The following SLC26A4 variants were observed in gnomAD, a reference collection of about 807,000 sequenced individuals.
SLC26A4 encodes pendrin.
A neutral mutation model predicts 90.4 loss-of-function variants in SLC26A4; 93 were observed. The observed-to-expected ratio is 1.03, with a 90% CI of 0.87 to 1.22. SLC26A4 has a LOEUF of 1.22. Ranked by LOEUF, SLC26A4 falls within the 50% of genes most tolerant of loss-of-function variation. The pLI is 0.00. For synonymous variants in SLC26A4, 393 were observed against 354.6 expected (o/e 1.11, Z -1.22); for missense variants, 1,127 against 946.2 (o/e 1.19, Z -2.51).
At chr7:107,664,279 G>T (rs1414530407) in intron 3 of SLC26A4, among the ~76,000 whole-genome samples, 1 of 152,052 alleles carries the variant, frequency 6.6e-6, no homozygotes, top group Non-Finnish European at 1.5e-5. Context: ...ACCCAGGCTG[G>T]TGTGCAGTGG....
chr7:107,694,407 C>T lies in SLC26A4; in HGVS notation c.1268C>T (p.Ala423Val). 6.2e-7 allele frequency: 1 copy of T among 1,613,040 alleles called. No homozygotes were observed. Among genetic ancestry groups the T allele is most frequent in the Non-Finnish European group, 8.5e-7 (1 of 1,179,124 alleles). Residue 423 changes from alanine to valine, a missense_variant, in exon 11 of 21, where the codon GCT (alanine) becomes GTT (valine). Ala to Val is a moderately conservative substitution (Grantham distance 64). Transcript: ENST00000644269. ...TAGGAGGTGTGTGTCTTCCAGGTTG[C>T]TGGCATCATCTCTGCTGCGATTGTG... Reference protein sequence around the residue: ...QESTGGKTQVAGIISAAIVMI... With the variant: ...QESTGGKTQVVGIISAAIVMI...
chr7:107,695,127 A>T (rs1167559240), intron 12 of SLC26A4, among the ~76,000 whole-genome samples: 1 of 152,244 alleles, frequency 6.6e-6, no homozygotes, highest in African/African-American at 2.4e-5. Context: ...AGAAACTAAA[A>T]ATCAGAAGCT....
In SLC26A4 at chr7:107,717,630, C is replaced by G. The variant is rs1792380633; in HGVS notation, c.*2184C>G. On this transcript the variant is annotated 3_prime_UTR_variant, in exon 21 of 21. Coordinates refer to ENST00000644269, the MANE Select transcript of SLC26A4 (RefSeq NM_000441.2). ...TTTTGTATTATCAATGAAAATTTCA[C>G]TTGAAATTAAAGCTGCCTTTTGTTA... is the stretch of plus-strand genomic sequence containing the variant. 6.6e-6 allele frequency: 1 copy of G among 152,570 alleles called. No individual in the cohort carries two copies. Among genetic ancestry groups the G allele is most frequent in the Non-Finnish European group, 1.5e-5 (1 of 68,040 alleles). The allele number at this position is 152,570 out of a possible 1,614,324, so 9.5% of individuals were successfully genotyped here. A position where few individuals can be genotyped will look rare whatever the true frequency, so the allele number is the denominator to read the frequency against.
In SLC26A4 at chr7:107,661,322, C is replaced by G. The variant is rs1790541224; in HGVS notation, c.-3-317C>G. On this transcript the variant is annotated intron_variant, in intron 1 of 20. Transcript: ENST00000644269. This position sits in a 1 kb window ranked among gnomAD's most constrained non-coding sequence, Gnocchi z 5.1. ...CAGAACGCGGACAGCGCCCTGGCTG[C>G]GGGCCATAGGGGACTGGGTGGAACT... 2 of 446,486 alleles carry G rather than the reference C, an allele frequency of 4.5e-6. No individual in the cohort carries two copies. Among genetic ancestry groups the G allele is most frequent in the Admixed American group, 3.9e-5 (1 of 25,838 alleles). 27.7% of individuals were successfully genotyped at this position (446,486 alleles called of 1,614,324 possible).
chr7:107,686,396 C>T (rs11771988), intron 8 of SLC26A4, among the ~76,000 whole-genome samples: 13 of 94,128 alleles, frequency 1.4e-4, no homozygotes, highest in East Asian at 4.1e-4. Context: ...CTTCCTTCCT[C>T]TCTCTCTTTT....
At chr7:107,706,711 A>G (rs1437374796) in intron 18 of SLC26A4, among the ~76,000 whole-genome samples, 10 of 152,200 alleles carry the variant, frequency 6.6e-5, no homozygotes, top group Admixed American at 6.5e-4. Flanking sequence ...TGATAATATA[A>G]CCAATGTTTT....
At chr7:107,712,227 G>T (rs1792211566) in intron 19 of SLC26A4, among the ~76,000 whole-genome samples, 1 of 152,190 alleles carries the variant, frequency 6.6e-6, no homozygotes, top group African/African-American at 2.4e-5. Context: ...GCCATTGAGA[G>T]ATGCACTATT....
intron 8 of SLC26A4, among the ~76,000 whole-genome samples, chr7:107,686,409 CTTTCTT>C (rs1791414668): frequency 2.5e-5 from 1 of 39,860 alleles, no homozygotes; most frequent in South Asian, 7.9e-4. Flanking sequence ...TCTCTTTTTT[CTTTCTT>C]TCTTTCTTTC....
rs1252657316 is a variant in SLC26A4, at chr7:107,716,751, T to C, written c.*1305T>C. ...CCCAGGTCCCCAATTGAGAATGTCT[T>C]GCTTGATTGAAAACGACATCATCCC... On this transcript the variant is annotated 3_prime_UTR_variant, in exon 21 of 21. Coordinates refer to ENST00000644269, the MANE Select transcript of SLC26A4 (RefSeq NM_000441.2). The C allele has an allele frequency of 6.6e-6, 1 of 152,146 alleles. No homozygotes were observed. The allele number at this position is 152,146 out of a possible 1,614,324, so 9.4% of individuals were successfully genotyped here.
intron 6 of SLC26A4, 47 bp downstream of exon 6, chr7:107,675,156 A>G: frequency 6.3e-7 from 1 of 1,575,032 alleles, no homozygotes; most frequent in South Asian, 1.1e-5. Context: ...TTCATTCCAG[A>G]AACAATTGTA....
Position 107,701,994 on chromosome 7 carries a change from C to T in SLC26A4, c.1971C>T (p.Ser657=), listed in dbSNP as rs1336642579. The change falls in exon 17 of 21, where the codon AGC becomes AGT. Residue 657 remains serine, a synonymous_variant. Coordinates refer to ENST00000644269, the MANE Select transcript of SLC26A4 (RefSeq NM_000441.2). ...KVNVPKVPIH[S]LVLDCGAISF... ...ACGTTCCCAAAGTGCCAATCCATAG[C>T]CTTGTGCTTGACTGTGGAGCTATAT... The T allele has an allele frequency of 4.3e-6, 7 of 1,614,006 alleles. No homozygotes were observed. Among genetic ancestry groups the T allele is most frequent in the African/African-American group, 1.3e-5 (1 of 75,014 alleles).
intron 13 of SLC26A4, among the ~76,000 whole-genome samples, chr7:107,697,716 C>G (rs1791777335): frequency 6.6e-6 from 1 of 152,208 alleles, no homozygotes; most frequent in Non-Finnish European, 1.5e-5. Flanking sequence ...ATACTGATGA[C>G]CTTTCAGGGT....
intron 18 of SLC26A4, among the ~76,000 whole-genome samples, chr7:107,707,985 G>A (rs1792075514): frequency 6.6e-6 from 1 of 152,144 alleles, no homozygotes; most frequent in South Asian, 2.1e-4. Context: ...AAGGCAAAAA[G>A]CACAAGAAGA....
chr7:107,671,044 A>C (rs755553519), intron 3 of SLC26A4, among the ~76,000 whole-genome samples: 1 of 152,324 alleles, frequency 6.6e-6, no homozygotes, highest in East Asian at 1.9e-4. Context: ...CCCACCAAAA[A>C]AGGAGAAAGG....
At chr7:107,695,303 G>A (rs540748900) in intron 12 of SLC26A4, among the ~76,000 whole-genome samples, 1 of 152,122 alleles carries the variant, frequency 6.6e-6, no homozygotes, top group South Asian at 2.1e-4. Context: ...GCGGATACAA[G>A]GAGGGAGGGA....
At chr7:107,673,635 C>G (rs892982171) in intron 4 of SLC26A4, among the ~76,000 whole-genome samples, 1 of 152,138 alleles carries the variant, frequency 6.6e-6, no homozygotes, top group East Asian at 1.9e-4. Flanking sequence ...GATATACTCA[C>G]GAAGCATCCT....
chr7:107,664,059 AG>A (rs1440988047), intron 3 of SLC26A4, among the ~76,000 whole-genome samples: 2 of 152,172 alleles, frequency 1.3e-5, no homozygotes, highest in Non-Finnish European at 2.9e-5. Context: ...AAAAAAAAAA[AG>A]AAATGTGTTA....
intron 6 of SLC26A4, among the ~76,000 whole-genome samples, chr7:107,678,325 C>A (rs558678094): frequency 6.6e-6 from 1 of 152,322 alleles, no homozygotes; most frequent in African/African-American, 2.4e-5. Context: ...ACCAAGACAT[C>A]TCTTACTGAG....
intron 8 of SLC26A4, among the ~76,000 whole-genome samples, chr7:107,684,340 G>A (rs1247262497): frequency 6.6e-6 from 1 of 152,168 alleles, no homozygotes; most frequent in African/African-American, 2.4e-5. Flanking sequence ...GAAGAGTTTG[G>A]TACCGGTGTT....
Sources: allele counts gnomAD v4.1 joint callset (sites outside exome capture counted in the v4.1 genomes callset), GRCh38; gene constraint gnomAD v4.1.1; non-coding constraint Gnocchi (gnomAD v3.1); transcripts MANE v1.5; gene names NCBI Gene and HGNC (gene_info 2026-07-23, HGNC 2026-07-21).